Variants in RAB38 observed in about 807,000 individuals in gnomAD.
RAB38 encodes ras-related protein Rab-38.
RAB38 carries 15 observed loss-of-function variants against 18.4 expected under a neutral mutation model. The ratio of observed to expected loss-of-function variants is 0.82; its 90% CI spans 0.55 to 1.26. The LOEUF is 1.26. Among genes scored for constraint, RAB38 ranks in the 50% most tolerant of loss-of-function variants. The probability of loss-of-function intolerance (pLI) is 0.00; values close to 1 mark genes in which losing one functional copy is unlikely to be tolerated. For missense variants in RAB38, 294 were observed against 267.4 expected, an observed-to-expected ratio of 1.10 and a Z score of -0.69; for synonymous variants, 101 against 104.4, an observed-to-expected ratio of 0.97 and a Z score of 0.20.
the RAB38 span, among the ~76,000 whole-genome samples, chr11:88,072,975 C>T: frequency 3.3e-5 from 5 of 151,996 alleles, no homozygotes; most frequent in Admixed American, 2.6e-4. Context: ...AAACTCAGAG[C>T]GAACAATAAG....
At chr11:87,951,956 T>C in the RAB38 span, among the ~76,000 whole-genome samples, 1 of 152,224 alleles carries the variant, frequency 6.6e-6, no homozygotes, top group Admixed American at 6.5e-5. Flanking sequence ...ACCTGTCTTC[T>C]GTGTTGCTCA....
At chr11:87,804,887 G>T in the RAB38 span, among the ~76,000 whole-genome samples, 1 of 152,180 alleles carries the variant, frequency 6.6e-6, no homozygotes, top group Non-Finnish European at 1.5e-5. Context: ...CAATTGTCAT[G>T]ATTTTTCTCA....
At chr11:87,972,169 A>C in the RAB38 span, among the ~76,000 whole-genome samples, 1 of 152,060 alleles carries the variant, frequency 6.6e-6, no homozygotes, top group Admixed American at 6.6e-5. Context: ...CCAAAAATAA[A>C]TGATTGAAAA....
At chr11:87,816,371 G>A in the RAB38 span, 17 of 152,336 alleles carry the variant, frequency 1.1e-4, no homozygotes, top group African/African-American at 3.9e-4. Context: ...GCTTTTGTGG[G>A]GCTAATAGTC....
the RAB38 span, among the ~76,000 whole-genome samples, chr11:87,921,315 G>A: frequency 6.6e-6 from 1 of 151,868 alleles, no homozygotes; most frequent in Admixed American, 6.6e-5. Context: ...ATAAGCCATA[G>A]CTCCCAGTCG....
the RAB38 span, among the ~76,000 whole-genome samples, chr11:87,973,143 T>C: frequency 0.092 from 13,998 of 152,068 alleles, 878 homozygotes; most frequent in South Asian, 0.18. Flanking sequence ...GGTATTTCTT[T>C]ATAGCAGTGT....
At chr11:88,122,275 C>T (rs1414194913) in intron 2 of RAB38, among the ~76,000 whole-genome samples, 4 of 152,114 alleles carry the variant, frequency 2.6e-5, no homozygotes. Context: ...ATAGATATTG[C>T]CTCTATTAAT....
chr11:88,026,921 G>A, the RAB38 span, among the ~76,000 whole-genome samples: 1 of 152,166 alleles, frequency 6.6e-6, no homozygotes, highest in Admixed American at 6.5e-5. Context: ...TAAATTGTGA[G>A]ACATTTTACA....
chr11:87,837,655 C>T, the RAB38 span, among the ~76,000 whole-genome samples: 1 of 150,324 alleles, frequency 6.7e-6, no homozygotes, highest in Non-Finnish European at 1.5e-5. Flanking sequence ...ATGAGTCAAG[C>T]ATCATTTTGC....
the RAB38 span, among the ~76,000 whole-genome samples, chr11:87,809,238 A>G: frequency 6.6e-6 from 1 of 152,248 alleles, no homozygotes; most frequent in Non-Finnish European, 1.5e-5. Flanking sequence ...CATCTAAAAT[A>G]TAAGGATATA....
At chr11:87,892,944 T>C in the RAB38 span, among the ~76,000 whole-genome samples, 1 of 151,776 alleles carries the variant, frequency 6.6e-6, no homozygotes, top group African/African-American at 2.4e-5. Flanking sequence ...TTTGTGTACT[T>C]GATCATCCTG....
the RAB38 span, among the ~76,000 whole-genome samples, chr11:88,057,172 A>G: frequency 6.6e-6 from 1 of 152,218 alleles, no homozygotes; most frequent in South Asian, 2.1e-4. Context: ...ACAAGCATGC[A>G]CAGAAAGTGA....
the RAB38 span, among the ~76,000 whole-genome samples, chr11:87,943,830 C>A: frequency 6.6e-6 from 1 of 152,158 alleles, no homozygotes; most frequent in Admixed American, 6.6e-5. Flanking sequence ...AGGAAAAGAA[C>A]TATAGTTCTA....
chr11:87,820,976 G>A, the RAB38 span, among the ~76,000 whole-genome samples: 1 of 152,164 alleles, frequency 6.6e-6, no homozygotes, highest in Non-Finnish European at 1.5e-5. Flanking sequence ...ATTTAAAAGG[G>A]AAGCAAGGAT....
At chr11:87,874,492 C>T in the RAB38 span, among the ~76,000 whole-genome samples, 1 of 151,126 alleles carries the variant, frequency 6.6e-6, no homozygotes, top group African/African-American at 2.4e-5. Flanking sequence ...CACACCGGGG[C>T]CTGTTGTGGG....
chr11:88,132,774 T>C (rs12800378), intron 2 of RAB38, among the ~76,000 whole-genome samples: 42,345 of 152,138 alleles, frequency 0.28, 6,576 homozygotes, highest in Non-Finnish European at 0.33. Context: ...GTTTTACTTT[T>C]AAGGGTAAAA....
chr11:87,884,230 C>A, the RAB38 span, among the ~76,000 whole-genome samples: 3 of 151,888 alleles, frequency 2.0e-5, no homozygotes, highest in Non-Finnish European at 4.4e-5. Flanking sequence ...CATCTGATGA[C>A]ATTATTTGTG....
At chr11:88,121,071 G>A (rs1184490077) in intron 2 of RAB38, among the ~76,000 whole-genome samples, 2 of 152,126 alleles carry the variant, frequency 1.3e-5, no homozygotes, top group Non-Finnish European at 2.9e-5. Context: ...CTGGCTACCT[G>A]CATACCTCCA....
the RAB38 span, among the ~76,000 whole-genome samples, chr11:88,105,946 GAA>G: frequency 6.6e-6 from 1 of 152,028 alleles, no homozygotes; most frequent in Non-Finnish European, 1.5e-5. Context: ...ATTATGTTTT[GAA>G]AAGATATAAT....
Sources: gnomAD v4.1 joint callset for allele counts (sites outside exome capture counted in the v4.1 genomes callset) on GRCh38, gnomAD v4.1.1 for gene constraint, MANE v1.5 for transcripts, NCBI Gene and HGNC (gene_info 2026-07-23, HGNC 2026-07-21) for gene names.